Variants in NKIRAS1 observed in about 807,000 individuals in gnomAD.
NKIRAS1 encodes NF-kappa-B inhibitor-interacting Ras-like protein 1.
In NKIRAS1, 16 loss-of-function variants were observed where a neutral mutation model predicts 19.8. That is an observed-to-expected ratio of 0.81 (90% confidence interval 0.55 to 1.23). NKIRAS1 has a LOEUF of 1.23. Ranked by LOEUF, NKIRAS1 falls within the 50% of genes most tolerant of loss-of-function variation. NKIRAS1 has a pLI of 0.00. For missense variants in NKIRAS1, 184 were observed against 220.0 expected, an observed-to-expected ratio of 0.84 and a Z score of 1.04; for synonymous variants, 88 against 79.0, an observed-to-expected ratio of 1.11 and a Z score of -0.61.
chr3:23,916,002 T>C (rs1559509073), intron 1 of NKIRAS1: 1 of 152,236 alleles, frequency 6.6e-6, no homozygotes, highest in Admixed American at 6.5e-5. Context: ...CTGCGTTGTT[T>C]CCTGCTGCAT....
chr3:23,891,494 G>A lies in NKIRAS1; in HGVS notation c.*1601C>T, dbSNP rs886549146. Among the ~76,000 whole-genome samples, 2 of 152,144 alleles carry A rather than the reference G, an allele frequency of 1.3e-5. No individual in the cohort carries two copies. Among genetic ancestry groups the A allele is most frequent in the Non-Finnish European group, 2.9e-5 (2 of 68,026 alleles). The stretch of plus-strand genomic sequence containing the variant: ...GCTGTAGATGAGGTATCCTAGAAAA[G>A]GTTAAATAATCTACCCCATTTAGGC... On this transcript the variant is annotated 3_prime_UTR_variant, in exon 5 of 5. Coordinates refer to ENST00000425478, the MANE Select transcript of NKIRAS1 (RefSeq NM_020345.4).
In NKIRAS1 at chr3:23,890,677, A is replaced by AAT; in HGVS notation, c.*2417_*2418insAT. On this transcript the variant is annotated 3_prime_UTR_variant, in exon 5 of 5. Transcript: ENST00000425478. ...AGCTGCTTATGATTTTGAAGGGGTC[A>AAT]GGGAGGGTGGGAGTTGGTAAAGAGT... is the stretch of plus-strand genomic sequence containing the variant. 1.5e-6 allele frequency: 1 copy of AAT among 648,466 alleles called. No homozygotes were observed. The highest frequency in any genetic ancestry group is 2.6e-6 in the Non-Finnish European group (1 of 386,370). 40.2% of individuals were successfully genotyped at this position (648,466 alleles called of 1,614,324 possible).
At chr3:23,932,765 T>C (rs919363621) in intron 1 of NKIRAS1, among the ~76,000 whole-genome samples, 1 of 151,856 alleles carries the variant, frequency 6.6e-6, no homozygotes, top group African/African-American at 2.4e-5. Context: ...GTGCCTCTCA[T>C]AGGAAAGAGC....
At chr3:23,914,608 C>T (rs923640833) in intron 1 of NKIRAS1, among the ~76,000 whole-genome samples, 1 of 152,048 alleles carries the variant, frequency 6.6e-6, no homozygotes, top group Non-Finnish European at 1.5e-5. Flanking sequence ...ATTCATTTAC[C>T]AAACATTTAC....
upstream of NKIRAS1, chr3:23,918,255 T>A: frequency 1.1e-6 from 1 of 882,508 alleles, no homozygotes; most frequent in Non-Finnish European, 1.7e-6. Flanking sequence ...AAATAAACAG[T>A]GTGCCTCCCT....
At position 23,909,836 on chromosome 3, in the gene NKIRAS1, C is replaced by G. The variant is rs1219200939; in HGVS notation, c.94+975G>C. On this transcript the variant is annotated intron_variant, in intron 3 of 4. Coordinates refer to ENST00000425478, the MANE Select transcript of NKIRAS1 (RefSeq NM_020345.4). ...ATTTTTAAAAATCTACATACAGCAG[C>G]TCTGCAAAGTTGTTTTTGTTTTTTT... Among the ~76,000 whole-genome samples the G allele has an allele frequency of 8.6e-5, 13 of 151,348 alleles. No homozygotes were observed. The Admixed American group carries it at 8.6e-4, about 10-fold the overall frequency.
intron 1 of NKIRAS1, among the ~76,000 whole-genome samples, chr3:23,933,341 C>T (rs1705345906): frequency 1.3e-5 from 2 of 152,178 alleles, no homozygotes; most frequent in Non-Finnish European, 2.9e-5. Flanking sequence ...CCCAGTGGTT[C>T]TTGATGGGGT....
intron 1 of NKIRAS1, among the ~76,000 whole-genome samples, chr3:23,935,940 C>T (rs748854187): frequency 6.6e-6 from 1 of 151,566 alleles, no homozygotes; most frequent in Non-Finnish European, 1.5e-5. Flanking sequence ...AAAATTAGCC[C>T]GGTATGGTGG....
At chr3:23,907,169 C>T (rs1703150238) in intron 3 of NKIRAS1, among the ~76,000 whole-genome samples, 1 of 152,200 alleles carries the variant, frequency 6.6e-6, no homozygotes. Context: ...GCTGGGATTA[C>T]AGGCGTGAGC....
At chr3:23,914,237 A>G (rs1451201889) in intron 1 of NKIRAS1, among the ~76,000 whole-genome samples, 1 of 150,958 alleles carries the variant, frequency 6.6e-6, no homozygotes, top group Admixed American at 6.6e-5. Flanking sequence ...CTTTGTCAAC[A>G]TTTTCTTTGA....
intron 1 of NKIRAS1, among the ~76,000 whole-genome samples, chr3:23,914,386 G>C (rs773956195): frequency 2.6e-5 from 4 of 152,102 alleles, no homozygotes; most frequent in Non-Finnish European, 4.4e-5. Context: ...AACATCATAG[G>C]AGAGATGTTA....
intron 1 of NKIRAS1, among the ~76,000 whole-genome samples, chr3:23,925,483 A>C (rs1705197255): frequency 2.0e-5 from 3 of 151,942 alleles, no homozygotes; most frequent in Admixed American, 1.3e-4. Flanking sequence ...AAATACAAAA[A>C]ATTAGCTGGG....
Position 23,893,031 on chromosome 3 carries a change from T to C in NKIRAS1, c.*64A>G, listed in dbSNP as rs989940249. 19 of 1,468,598 alleles carry C rather than the reference T, an allele frequency of 1.3e-5. No homozygotes were observed. Among genetic ancestry groups the C allele is most frequent in the Non-Finnish European group, 1.6e-5 (18 of 1,104,640 alleles). 91.0% of individuals were successfully genotyped at this position (1,468,598 alleles called of 1,614,324 possible). ...GGCCTATTTTAAATAGTAATATTAC[T>C]CCATGTTCACAGACACTTAAAGGCA... On this transcript the variant is annotated 3_prime_UTR_variant, in exon 5 of 5. Transcript: ENST00000425478.
chr3:23,924,703 T>C (rs1416796632), intron 1 of NKIRAS1, among the ~76,000 whole-genome samples: 1 of 152,176 alleles, frequency 6.6e-6, no homozygotes, highest in Non-Finnish European at 1.5e-5. Flanking sequence ...AGCCTGGCCC[T>C]GCTCATAAGA....
At chr3:23,932,553 T>C (rs1705336291) in intron 1 of NKIRAS1, among the ~76,000 whole-genome samples, 1 of 151,802 alleles carries the variant, frequency 6.6e-6, no homozygotes, top group South Asian at 2.1e-4. Context: ...CCGGGCGTGG[T>C]GGTGCATGCC....
Position 23,893,019 on chromosome 3 carries a change from T to C in NKIRAS1, c.*76A>G, listed in dbSNP as rs143884467. On this transcript the variant is annotated 3_prime_UTR_variant, in exon 5 of 5. Coordinates refer to ENST00000425478, the MANE Select transcript of NKIRAS1 (RefSeq NM_020345.4). ...GTAGATACAAATGGCCTATTTTAAA[T>C]AGTAATATTACTCCATGTTCACAGA... is the stretch of plus-strand genomic sequence containing the variant. 8.0e-5 allele frequency: 114 copies of C among 1,426,548 alleles called. No individual in the cohort carries two copies. The highest frequency in any genetic ancestry group is 4.7e-5 in the Non-Finnish European group (51 of 1,074,752). 88.4% of individuals were successfully genotyped at this position (1,426,548 alleles called of 1,614,324 possible).
chr3:23,902,156 C>G (rs1702583045), intron 3 of NKIRAS1, among the ~76,000 whole-genome samples: 1 of 152,062 alleles, frequency 6.6e-6, no homozygotes, highest in South Asian at 2.1e-4. Context: ...TCCTATACCC[C>G]CCCCAATCAT....
At chr3:23,943,972 C>T (rs1350181602) in intron 1 of NKIRAS1, among the ~76,000 whole-genome samples, 8 of 152,168 alleles carry the variant, frequency 5.3e-5, no homozygotes, top group Non-Finnish European at 8.8e-5. Flanking sequence ...AAAAATAATA[C>T]TTTGACTGCT....
In NKIRAS1 at chr3:23,900,844, C is replaced by T; in HGVS notation, c.300G>A (p.Leu100=). ...NLESFQRVEL[L]KKEIDKFKDK... ...CTTTGAACTTATCGATTTCTTTCTT[C>T]AGAAGCTCCACTCTTTGAAAGGATT... Residue 100 remains leucine (L), a synonymous_variant, in exon 4 of 5, where the codon CTG becomes CTA. Coordinates refer to ENST00000425478, the MANE Select transcript of NKIRAS1 (RefSeq NM_020345.4). 1 of 1,613,770 alleles carries T rather than the reference C, an allele frequency of 6.2e-7. No individual in the cohort carries two copies. Among genetic ancestry groups the T allele is most frequent in the Non-Finnish European group, 8.5e-7 (1 of 1,179,738 alleles).
Sources: gnomAD v4.1 joint callset for allele counts (sites outside exome capture counted in the v4.1 genomes callset) on GRCh38, gnomAD v4.1.1 for gene constraint, MANE v1.5 for transcripts, NCBI Gene and HGNC (gene_info 2026-07-23, HGNC 2026-07-21) for gene names.